SPCS2: variants seen among roughly 807,000 people sequenced by gnomAD.
The protein encoded by SPCS2 is signal peptidase complex subunit 2.
Under a neutral mutation model 22.3 loss-of-function variants are expected in SPCS2, and 3 were observed. That is an observed-to-expected ratio of 0.13 (90% confidence interval 0.06 to 0.35). The LOEUF (loss-of-function observed/expected upper bound fraction) is 0.35. SPCS2 is among the 10% of genes least tolerant of loss of function. The probability of loss-of-function intolerance (pLI) is 1.00; values close to 1 mark genes in which losing one functional copy is unlikely to be tolerated. For missense variants in SPCS2, 169 were observed against 280.9 expected (o/e 0.60, Z 2.85); for synonymous variants, 67 against 97.2 (o/e 0.69, Z 1.83).
At chr11:74,954,917 A>G (rs1208703026) in intron 1 of SPCS2, among the ~76,000 whole-genome samples, 2 of 152,240 alleles carry the variant, frequency 1.3e-5, no homozygotes, top group African/African-American at 4.8e-5. Context: ...AAAGATGTAA[A>G]TAGACATTTC....
In SPCS2 at chr11:74,951,209, A is replaced by G. The variant is rs77366850; in HGVS notation, c.114+1810A>G. On this transcript the variant is annotated intron_variant, in intron 1 of 4. Transcript: ENST00000263672. ...CTTGCTAACAGTATGAAGATTGGCAAGTCACTTAACCTTTCTTCATTTGGA... is the reference window on the plus strand; with the variant it reads ...CTTGCTAACAGTATGAAGATTGGCAGGTCACTTAACCTTTCTTCATTTGGA... 1.7e-3 allele frequency among the ~76,000 whole-genome samples: 259 copies of G among 152,340 alleles called. 7 individuals carry two copies. The East Asian group carries it at 0.047, about 28-fold the overall frequency.
chr11:74,961,035 T>C (rs1370164068), intron 1 of SPCS2, among the ~76,000 whole-genome samples: 2 of 138,022 alleles, frequency 1.4e-5, no homozygotes, highest in Non-Finnish European at 3.2e-5. Context: ...ATTTAGACAT[T>C]AAAAAAAAAA....
chr11:74,954,390 A>G (rs1948464601), intron 1 of SPCS2, among the ~76,000 whole-genome samples: 1 of 152,198 alleles, frequency 6.6e-6, no homozygotes, highest in South Asian at 2.1e-4. Context: ...TTCCCATACC[A>G]GAGTGTGCCT....
At chr11:74,971,444 A>G (rs927090554) in intron 4 of SPCS2, among the ~76,000 whole-genome samples, 1 of 152,114 alleles carries the variant, frequency 6.6e-6, no homozygotes, top group South Asian at 2.1e-4. Flanking sequence ...TGGCTGCCCT[A>G]TTTTACAATC....
In SPCS2 at chr11:74,955,848, T is replaced by TAA. The variant is rs1315351203; in HGVS notation, c.114+6452_114+6453dup. Among the ~76,000 whole-genome samples, 16 of 37,098 alleles carry TAA rather than the reference T, an allele frequency of 4.3e-4. No homozygotes were observed. The South Asian group carries it at 4.6e-3, about 11-fold the overall frequency. 24.3% of individuals were successfully genotyped at this position (37,098 alleles called of 152,430 possible). A position where few individuals can be genotyped will look rare whatever the true frequency, so the allele number is the denominator to read the frequency against. On this transcript the variant is annotated intron_variant, in intron 1 of 4. Coordinates refer to ENST00000263672, the MANE Select transcript of SPCS2 (RefSeq NM_014752.3). Reference sequence around the variant, plus strand: ...TAATACTATTACTTTAATTACTAATTAAAATATATATATATATATATATAT... The same window carrying TAA: ...TAATACTATTACTTTAATTACTAATTAAAAAATATATATATATATATATATAT...
At chr11:74,976,714 C>A in intron 4 of SPCS2, 143 bp from the exon 5 acceptor site, 2 of 1,012,474 alleles carry the variant, frequency 2.0e-6, no homozygotes, top group Non-Finnish European at 2.9e-6. Flanking sequence ...TTTGTTTTTG[C>A]TTTTGCTTTT....
chr11:74,966,554 A>G (rs184084749), intron 3 of SPCS2, among the ~76,000 whole-genome samples: 3 of 152,342 alleles, frequency 2.0e-5, no homozygotes, highest in Admixed American at 2.0e-4. Flanking sequence ...TAAAGATTAA[A>G]TGAGAGATTT....
In SPCS2 at chr11:74,976,887, C is replaced by T; in HGVS notation, c.525C>T (p.Thr175=). 1 of 1,613,346 alleles carries T rather than the reference C, an allele frequency of 6.2e-7. No homozygotes were observed. Among genetic ancestry groups the T allele is most frequent in the South Asian group, 1.1e-5 (1 of 90,972 alleles). Residue 175 remains threonine (T), a synonymous_variant, in exon 5 of 5, where the codon ACC becomes ACT. Coordinates refer to ENST00000263672, the MANE Select transcript of SPCS2 (RefSeq NM_014752.3). Reference sequence around the variant, plus strand: ...ATGACAAATACACCTTGAAGCTGACCTTCATCAGTGGGAGAACAAAGCAGC... The same window carrying T: ...ATGACAAATACACCTTGAAGCTGACTTTCATCAGTGGGAGAACAAAGCAGC... ...RFDDKYTLKL[T]FISGRTKQQR...
intron 4 of SPCS2, among the ~76,000 whole-genome samples, chr11:74,973,857 C>T (rs1948600776): frequency 6.6e-6 from 1 of 152,028 alleles, no homozygotes; most frequent in Admixed American, 6.5e-5. Context: ...TCCCTTGGGT[C>T]TATGGGATTC....
chr11:74,949,310 G>A lies in SPCS2; in HGVS notation c.25G>A (p.Gly9Arg), dbSNP rs1438953142. The A allele has an allele frequency of 6.5e-7, 1 of 1,550,370 alleles. No individual in the cohort carries two copies. Residue 9 changes from glycine to arginine, a missense_variant, in exon 1 of 5, where the codon GGG (glycine) becomes AGG (arginine). By Grantham distance (125) the Gly-to-Arg change is moderately radical. This residue lies in a region of SPCS2 where 51 missense variants were observed against 37.8 expected (regional missense o/e 1.35). Coordinates refer to ENST00000263672, the MANE Select transcript of SPCS2 (RefSeq NM_014752.3). ...GATGGCGGCGGCAGCTGTACAGGGCGGGAGAAGCGGTGGTAGCGGAGGCTG... is the reference window on the plus strand; with the variant it reads ...GATGGCGGCGGCAGCTGTACAGGGCAGGAGAAGCGGTGGTAGCGGAGGCTG... MAAAAVQG[G>R]RSGGSGGCSG...
intron 1 of SPCS2, among the ~76,000 whole-genome samples, chr11:74,951,665 C>T (rs1024079714): frequency 1.3e-5 from 2 of 151,842 alleles, no homozygotes; most frequent in African/African-American, 4.8e-5. Flanking sequence ...ACAAAATTAG[C>T]GAAGTGTGGT....
intron 1 of SPCS2, among the ~76,000 whole-genome samples, chr11:74,964,729 T>G (rs1206818966): frequency 6.6e-6 from 1 of 152,226 alleles, no homozygotes; most frequent in East Asian, 1.9e-4. Context: ...GGGTTGTTTT[T>G]ATATTCTCTG....
chr11:74,965,784 T>C lies in SPCS2; in HGVS notation c.220T>C (p.Tyr74His). ...AKKVLLEKYKYVENFGLIDGR... is the reference protein window; with the variant it reads ...AKKVLLEKYKHVENFGLIDGR... ...CCAGGTACTTCTGGAAAAATACAAATATGTGGAGAATTTTGGTCTAATTGA... is the reference window on the plus strand; with the variant it reads ...CCAGGTACTTCTGGAAAAATACAAACATGTGGAGAATTTTGGTCTAATTGA... Residue 74 changes from tyrosine to histidine, a missense_variant, in exon 3 of 5, where the codon TAT (tyrosine) becomes CAT (histidine). Coordinates refer to ENST00000263672, the MANE Select transcript of SPCS2 (RefSeq NM_014752.3). 4 of 1,612,808 alleles carry C rather than the reference T, an allele frequency of 2.5e-6. No homozygotes were observed. The highest frequency in any genetic ancestry group is 3.4e-6 in the Non-Finnish European group (4 of 1,179,114).
chr11:74,975,875 A>G (rs903573083), intron 4 of SPCS2, among the ~76,000 whole-genome samples: 2 of 152,226 alleles, frequency 1.3e-5, no homozygotes, highest in African/African-American at 4.8e-5. Context: ...TAGCTTGACA[A>G]TCCACTGAAT....
chr11:74,965,379 TAA>T (rs554619545), intron 2 of SPCS2, among the ~76,000 whole-genome samples: 1,573 of 148,760 alleles, frequency 0.011, 31 homozygotes, highest in African/African-American at 0.035. Context: ...ATAATAAAAT[TAA>T]AAAAAAAAGA....
chr11:74,970,973 A>G (rs1948580619), intron 4 of SPCS2, among the ~76,000 whole-genome samples: 1 of 152,002 alleles, frequency 6.6e-6, no homozygotes, highest in Non-Finnish European at 1.5e-5. Flanking sequence ...GAGCATTTTC[A>G]TCACCTCAAA....
intron 1 of SPCS2, among the ~76,000 whole-genome samples, chr11:74,961,130 A>G (rs760797635): frequency 6.6e-6 from 1 of 152,144 alleles, no homozygotes; most frequent in Non-Finnish European, 1.5e-5. Flanking sequence ...GAGACAATAC[A>G]TACAGTCAGG....
At chr11:74,949,739 C>A in intron 1 of SPCS2, 1 of 442,458 alleles carries the variant, frequency 2.3e-6, no homozygotes, top group East Asian at 6.7e-5. Flanking sequence ...TTCACAGACA[C>A]GGAAAACCGA....
chr11:74,950,405 G>C (rs568946461), intron 1 of SPCS2, among the ~76,000 whole-genome samples: 4 of 152,142 alleles, frequency 2.6e-5, no homozygotes, highest in Non-Finnish European at 4.4e-5. Context: ...CAGAATTTTT[G>C]AATATAATTG....
Sources: gnomAD v4.1 joint callset for allele counts (sites outside exome capture counted in the v4.1 genomes callset) on GRCh38, gnomAD v4.1.1 for gene constraint, gnomAD v4.1.1 regional missense constraint, MANE v1.5 for transcripts, NCBI Gene and HGNC (gene_info 2026-07-23, HGNC 2026-07-21) for gene names.